The following MAOB variants were observed in gnomAD, a reference collection of about 807,000 sequenced individuals.
MAOB encodes the protein amine oxidase [flavin-containing] B.
Under a neutral mutation model 41.9 loss-of-function variants are expected in MAOB, and 15 were observed. The ratio of observed to expected loss-of-function variants is 0.36; its 90% CI spans 0.24 to 0.55. The LOEUF is 0.55. Among genes scored for constraint, MAOB ranks in the 20% least tolerant of loss-of-function variants. MAOB has a pLI of 0.86. For missense variants in MAOB, 345 were observed against 398.7 expected (o/e 0.87, Z 1.15); for synonymous variants, 167 against 144.2 (o/e 1.16, Z -1.13).
intron 1 of MAOB, among the ~76,000 whole-genome samples, chrX:43,879,617 C>T (rs1301300565): frequency 9.0e-6 from 1 of 111,385 alleles, no homozygotes; most frequent in Non-Finnish European, 1.9e-5. Flanking sequence ...TTCCCAAAAC[C>T]TTCTCTCCCT....
At chrX:43,810,668 G>A (rs1274798127) in intron 3 of MAOB, among the ~76,000 whole-genome samples, 1 of 111,804 alleles carries the variant, frequency 8.9e-6, no homozygotes, top group Non-Finnish European at 1.9e-5. Context: ...ATTACACGAT[G>A]ATTTTTAAGA....
intron 1 of MAOB, among the ~76,000 whole-genome samples, chrX:43,844,170 G>T (rs1288338135): frequency 9.0e-6 from 1 of 111,095 alleles, no homozygotes; most frequent in Non-Finnish European, 1.9e-5. Flanking sequence ...GGGACAGTGG[G>T]CCTTCAAAGT....
intron 3 of MAOB, among the ~76,000 whole-genome samples, chrX:43,824,461 A>T (rs1028998256): frequency 1.8e-5 from 2 of 112,059 alleles, no homozygotes; most frequent in Non-Finnish European, 3.8e-5. Flanking sequence ...AGGCGGGTGG[A>T]TCACCTGAGG....
chrX:43,811,505 A>G (rs2034746221), intron 3 of MAOB, among the ~76,000 whole-genome samples: 1 of 111,690 alleles, frequency 9.0e-6, no homozygotes, highest in Admixed American at 9.5e-5. Context: ...TTCTTGGGCC[A>G]TAAACTAATT....
At chrX:43,871,030 T>C (rs1339027928) in intron 1 of MAOB, among the ~76,000 whole-genome samples, 1 of 110,822 alleles carries the variant, frequency 9.0e-6, no homozygotes, top group Non-Finnish European at 1.9e-5. Flanking sequence ...TCAACATGTA[T>C]GAAGAAAGGA....
At chrX:43,820,386 T>C (rs1224295424) in intron 3 of MAOB, among the ~76,000 whole-genome samples, 4 of 112,159 alleles carry the variant, frequency 3.6e-5, no homozygotes, top group Non-Finnish European at 7.5e-5. Flanking sequence ...TATTAAAGAA[T>C]TGTAAAATTT....
At chrX:43,864,033 AT>A (rs767009099) in intron 1 of MAOB, among the ~76,000 whole-genome samples, 20 of 111,642 alleles carry the variant, frequency 1.8e-4, no homozygotes, top group African/African-American at 5.8e-4. Context: ...TGTTTATATT[AT>A]GCTTTTTAAA....
At chrX:43,778,783 G>A (rs1475639095) in intron 10 of MAOB, 44 bp from the exon 11 acceptor site, 4 of 1,054,734 alleles carry the variant, frequency 3.8e-6, no homozygotes, top group Admixed American at 5.0e-5. Context: ...GGAAAGAAGG[G>A]AGGGAAAAAA....
chrX:43,815,057 TG>T (rs1215649231), intron 3 of MAOB, among the ~76,000 whole-genome samples: 7 of 111,263 alleles, frequency 6.3e-5, no homozygotes, highest in Non-Finnish European at 1.1e-4. Context: ...TTCAGAAGGA[TG>T]CAGGGTTTTA....
chrX:43,856,878 G>T (rs1190777172), intron 1 of MAOB, among the ~76,000 whole-genome samples: 1 of 106,573 alleles, frequency 9.4e-6, no homozygotes, highest in Non-Finnish European at 1.9e-5. Flanking sequence ...GTGGACCCGA[G>T]CAGTTCAAGC....
intron 3 of MAOB, among the ~76,000 whole-genome samples, chrX:43,808,632 A>T (rs1277366772): frequency 2.0e-5 from 2 of 99,692 alleles, no homozygotes; most frequent in African/African-American, 7.5e-5. Flanking sequence ...AGCATCCTGC[A>T]CATCTATATC....
At chrX:43,778,582 T>G (rs1469234256) in intron 11 of MAOB, 100 bp downstream of exon 11, 14 of 660,818 alleles carry the variant, frequency 2.1e-5, no homozygotes, top group Non-Finnish European at 3.3e-5. Context: ...GGGAAAAACA[T>G]GAACTTCAGG....
chrX:43,842,701 G>A (rs1175769208), intron 2 of MAOB, among the ~76,000 whole-genome samples: 1 of 111,992 alleles, frequency 8.9e-6, no homozygotes, highest in Non-Finnish European at 1.9e-5. Context: ...AAATGGATGA[G>A]GAAGACTTGG....
At chrX:43,768,916 C>T (rs1448620321) in intron 13 of MAOB, among the ~76,000 whole-genome samples, 200 bp from the exon 14 acceptor site, 2 of 111,563 alleles carry the variant, frequency 1.8e-5, no homozygotes, top group African/African-American at 6.5e-5. Context: ...ATTAGGCTTA[C>T]CATAAATTTT....
chrX:43,817,095 C>A (rs965051921), intron 3 of MAOB, among the ~76,000 whole-genome samples: 1 of 108,004 alleles, frequency 9.3e-6, no homozygotes, highest in Non-Finnish European at 1.9e-5. Context: ...TTCTTCTTTT[C>A]TCTTTTCTTC....
chrX:43,770,297 G>A (rs565390731), intron 12 of MAOB, among the ~76,000 whole-genome samples: 116 of 111,422 alleles, frequency 1.0e-3, no homozygotes, highest in African/African-American at 3.8e-3. Flanking sequence ...TTCCTCTGGG[G>A]TCAGCTGAGG....
chrX:43,768,694 A>C lies in MAOB; in HGVS notation c.1370T>G (p.Ile457Ser). The change falls in exon 14 of 15, where the codon ATT becomes AGT. Residue 457 changes from isoleucine (I) to serine (S), a missense_variant. Transcript: ENST00000378069. ...AREILHAMGK[I>S]PEDEIWQSEP... ...TGACTGCCAGATTTCATCCTCTGGA[A>C]TCTTCCCCATGGCATGCAGGATCTG... 8.3e-7 allele frequency: 1 copy of C among 1,209,643 alleles called. No individual in the cohort carries two copies. Among genetic ancestry groups the C allele is most frequent in the Non-Finnish European group, 1.1e-6 (1 of 893,570 alleles).
intron 6 of MAOB, 31 bp downstream of exon 6, chrX:43,797,094 C>A: frequency 8.5e-7 from 1 of 1,182,383 alleles, no homozygotes; most frequent in South Asian, 1.9e-5. Flanking sequence ...CAGTGTTTTT[C>A]CATTGGGACT....
chrX:43,878,406 CTT>C (rs1269638101), intron 1 of MAOB, among the ~76,000 whole-genome samples: 2 of 57,296 alleles, frequency 3.5e-5, no homozygotes, highest in Admixed American at 4.3e-4. Context: ...TATACCCAGC[CTT>C]TGTGTGTGTG....
Sources: allele counts gnomAD v4.1 joint callset (sites outside exome capture counted in the v4.1 genomes callset), GRCh38; gene constraint gnomAD v4.1.1; transcripts MANE v1.5; gene names NCBI Gene and HGNC (gene_info 2026-07-23, HGNC 2026-07-21).